The following OTUD7A variants were observed in gnomAD, a reference collection of about 807,000 sequenced individuals.
OTUD7A encodes OTU deubiquitinase 7A, also known as OTU domain-containing protein 7A.
In OTUD7A, 12 loss-of-function variants were observed where a neutral mutation model predicts 65.7. The ratio of observed to expected loss-of-function variants is 0.18; its 90% CI spans 0.12 to 0.30. The LOEUF is 0.30. OTUD7A is among the 10% of genes least tolerant of loss of function. The pLI is 1.00. For synonymous variants in OTUD7A, 641 were observed against 586.3 expected (o/e 1.09, Z -1.35); for missense variants, 1,148 against 1,304.8 (o/e 0.88, Z 1.85).
In OTUD7A at chr15:31,570,205, C is replaced by A. The variant is rs372544739; in HGVS notation, c.152-8G>T. 55 of 1,613,238 alleles carry A rather than the reference C, an allele frequency of 3.4e-5. No individual in the cohort carries two copies. Among genetic ancestry groups the A allele is most frequent in the Non-Finnish European group, 5.9e-6 (7 of 1,179,460 alleles). ...TCAGGTCCCAGTTTTTGCCTGTGGA[C>A]AAGAAATGACAAGAGGTGACAATAC... is the stretch of plus-strand genomic sequence containing the variant. On this transcript the variant is annotated splice_region_variant and splice_polypyrimidine_tract_variant and intron_variant, in intron 3 of 12. Coordinates refer to ENST00000307050, the MANE Select transcript of OTUD7A (RefSeq NM_001382637.1).
At chr15:31,518,145 T>C (rs2041885498) in intron 8 of OTUD7A, among the ~76,000 whole-genome samples, 1 of 152,020 alleles carries the variant, frequency 6.6e-6, no homozygotes, top group Admixed American at 6.6e-5. Flanking sequence ...TATGGGGACA[T>C]AGGTGTTGGT....
chr15:31,499,753 A>ACCCCAG (rs2041438665), intron 10 of OTUD7A, among the ~76,000 whole-genome samples: 1 of 152,114 alleles, frequency 6.6e-6, no homozygotes, highest in Non-Finnish European at 1.5e-5. Context: ...CCCCAGGAGG[A>ACCCCAG]TCCCAGTGGG....
chr15:31,638,170 C>T (rs1026625460), intron 3 of OTUD7A, among the ~76,000 whole-genome samples: 79 of 152,158 alleles, frequency 5.2e-4, no homozygotes, highest in African/African-American at 1.9e-3. Flanking sequence ...ACAGCCACCC[C>T]AACCTTCAGC....
intron 1 of OTUD7A, among the ~76,000 whole-genome samples, chr15:31,686,029 T>C (rs1353125503): frequency 6.6e-6 from 1 of 152,216 alleles, no homozygotes; most frequent in Non-Finnish European, 1.5e-5. Context: ...TCTCTTTCCA[T>C]GGCTCAGCAC....
At chr15:31,820,969 C>G (rs1329538542) in intron 1 of OTUD7A, among the ~76,000 whole-genome samples, 1 of 151,712 alleles carries the variant, frequency 6.6e-6, no homozygotes, top group Non-Finnish European at 1.5e-5. Flanking sequence ...CTCCGAGGCC[C>G]CCAGCCCTAG....
At chr15:31,519,587 G>A (rs567440169) in intron 8 of OTUD7A, among the ~76,000 whole-genome samples, 78 of 152,252 alleles carry the variant, frequency 5.1e-4, no homozygotes, top group Middle Eastern at 3.4e-3. Flanking sequence ...CTAAGGACTG[G>A]AACAAGATGA....
chr15:31,597,462 G>A (rs1316150571), intron 3 of OTUD7A, among the ~76,000 whole-genome samples: 1 of 150,804 alleles, frequency 6.6e-6, no homozygotes, highest in Non-Finnish European at 1.5e-5. Context: ...GAGGCAGAGC[G>A]TCAAGGCCCT....
At chr15:31,495,392 C>T (rs2041369031) in intron 10 of OTUD7A, among the ~76,000 whole-genome samples, 1 of 152,198 alleles carries the variant, frequency 6.6e-6, no homozygotes, top group African/African-American at 2.4e-5. Flanking sequence ...CCATGAAGTC[C>T]CTTCCATAGC....
At chr15:31,782,444 G>C (rs1454223384) in intron 1 of OTUD7A, among the ~76,000 whole-genome samples, 1 of 152,208 alleles carries the variant, frequency 6.6e-6, no homozygotes. Context: ...AGGTCAGAAA[G>C]CCAAGGACAA....
intron 8 of OTUD7A, among the ~76,000 whole-genome samples, chr15:31,521,125 G>C (rs189134961): frequency 1.9e-3 from 288 of 152,316 alleles, no homozygotes; most frequent in African/African-American, 6.8e-3. Flanking sequence ...TGGAAGCTAT[G>C]ACAGGCCGGA....
chr15:31,787,314 A>C (rs549370272), intron 1 of OTUD7A, among the ~76,000 whole-genome samples: 9 of 152,364 alleles, frequency 5.9e-5, no homozygotes, highest in African/African-American at 2.2e-4. Context: ...TAAATGAAAC[A>C]GCAAGAAAGC....
intron 3 of OTUD7A, among the ~76,000 whole-genome samples, chr15:31,642,891 C>T (rs1891558984): frequency 6.6e-6 from 1 of 151,792 alleles, no homozygotes; most frequent in Non-Finnish European, 1.5e-5. Flanking sequence ...GTTTTTTGTT[C>T]TGGTCTTTAT....
At chr15:31,629,814 G>C (rs1891085213) in intron 3 of OTUD7A, among the ~76,000 whole-genome samples, 1 of 152,314 alleles carries the variant, frequency 6.6e-6, no homozygotes, top group East Asian at 1.9e-4. Flanking sequence ...TCCTGGTTTA[G>C]TCTTGGGAGG....
At chr15:31,648,262 T>A (rs989555835) in intron 3 of OTUD7A, among the ~76,000 whole-genome samples, 12 of 152,254 alleles carry the variant, frequency 7.9e-5, no homozygotes, top group Admixed American at 6.5e-5. Context: ...TAGCCAGCAC[T>A]GGGAAGTAAA....
chr15:31,764,341 A>G (rs1895046416), intron 1 of OTUD7A, among the ~76,000 whole-genome samples: 1 of 152,166 alleles, frequency 6.6e-6, no homozygotes, highest in Non-Finnish European at 1.5e-5. Context: ...AGTAATGTTA[A>G]ATGGAACACT....
chr15:31,566,901 G>A lies in OTUD7A; in HGVS notation c.331+3117C>T, dbSNP rs145932670. 1.2e-4 allele frequency among the ~76,000 whole-genome samples: 19 copies of A among 152,266 alleles called. No individual in the cohort carries two copies. The East Asian group carries it at 3.1e-3, about 25-fold the overall frequency. Reference sequence around the variant, plus strand: ...CCTCCCCAGAAGCTGAGCAGATGCCGGCACCATGCTTCCTATAAAGCCTGC... The same window carrying A: ...CCTCCCCAGAAGCTGAGCAGATGCCAGCACCATGCTTCCTATAAAGCCTGC... On this transcript the variant is annotated intron_variant, in intron 4 of 12. Transcript: ENST00000307050.
At chr15:31,503,606 G>A (rs1186057176) in intron 9 of OTUD7A, 85 bp downstream of exon 9, 4 of 1,563,040 alleles carry the variant, frequency 2.6e-6, no homozygotes, top group Admixed American at 1.7e-5. Flanking sequence ...CTGGGAGCTC[G>A]ACCTTGTGCT....
At chr15:31,694,402 C>A (rs1413187801) in intron 1 of OTUD7A, among the ~76,000 whole-genome samples, 13 of 152,192 alleles carry the variant, frequency 8.5e-5, no homozygotes, top group Non-Finnish European at 1.8e-4. Context: ...CAGATCCCCT[C>A]AAGCCCCCTT....
At chr15:31,714,254 A>G (rs1595722123) in intron 1 of OTUD7A, among the ~76,000 whole-genome samples, 1 of 152,322 alleles carries the variant, frequency 6.6e-6, no homozygotes, top group Non-Finnish European at 1.5e-5. Context: ...ATATATGGAT[A>G]AACTACAGTA....
Sources: gnomAD v4.1 joint callset for allele counts (sites outside exome capture counted in the v4.1 genomes callset) on GRCh38, gnomAD v4.1.1 for gene constraint, MANE v1.5 for transcripts, NCBI Gene and HGNC (gene_info 2026-07-23, HGNC 2026-07-21) for gene names.